HBP1: variants seen among roughly 807,000 people sequenced by gnomAD.
The protein encoded by HBP1 is HMG box-containing protein 1.
In HBP1, 20 loss-of-function variants were observed where a neutral mutation model predicts 62.6. That is an observed-to-expected ratio of 0.32 (90% CI 0.22 to 0.46). HBP1 has a LOEUF of 0.46. Among genes scored for constraint, HBP1 ranks in the 20% least tolerant of loss-of-function variants. HBP1 has a pLI of 1.00. For missense variants in HBP1, 480 were observed against 611.8 expected (o/e 0.78, Z 2.27); for synonymous variants, 232 against 206.2 (o/e 1.12, Z -1.07).
At chr7:107,186,919 G>A (rs374808715) in intron 6 of HBP1, among the ~76,000 whole-genome samples, 7 of 152,052 alleles carry the variant, frequency 4.6e-5, no homozygotes, top group African/African-American at 1.4e-4. Flanking sequence ...GTGCTTCTTC[G>A]TGTTTTATAC....
At position 107,195,944 on chromosome 7, in the gene HBP1, G is replaced by A; in HGVS notation, c.1178G>A (p.Arg393Lys). ...CGGPGGQDFARSGFSKNCGSP... is the reference protein window; with the variant it reads ...CGGPGGQDFAKSGFSKNCGSP... The stretch of plus-strand genomic sequence containing the variant: ...GGACCTGGTGGTCAAGACTTTGCAA[G>A]ATCTGGATTCAGTAAAAACTGTGGC... The change falls in exon 9 of 11, where the codon AGA (arginine) becomes AAA (lysine). Residue 393 changes from arginine to lysine, a missense_variant. Arg to Lys is a conservative substitution (Grantham distance 26). Coordinates refer to ENST00000222574, the MANE Select transcript of HBP1 (RefSeq NM_012257.4). The A allele has an allele frequency of 1.2e-6, 2 of 1,614,042 alleles. No individual in the cohort carries two copies. The highest frequency in any genetic ancestry group is 1.6e-4 in the Middle Eastern group (1 of 6,062).
intron 1 of HBP1, among the ~76,000 whole-genome samples, chr7:107,173,298 G>C (rs1033848773): frequency 2.0e-5 from 3 of 152,176 alleles, no homozygotes; most frequent in African/African-American, 7.2e-5. Context: ...AGTCTGGACT[G>C]GTTATGGAAA....
At chr7:107,179,758 T>C in intron 1 of HBP1, 121 bp from the exon 2 acceptor site, 1 of 567,958 alleles carries the variant, frequency 1.8e-6, no homozygotes, top group Non-Finnish European at 3.1e-6. Flanking sequence ...GGTGACAGAG[T>C]GTGACTATGT....
At chr7:107,186,800 G>T (rs910872149) in intron 6 of HBP1, 119 bp downstream of exon 6, 5 of 652,368 alleles carry the variant, frequency 7.7e-6, no homozygotes, top group Middle Eastern at 3.4e-4. Flanking sequence ...GTACATTTTA[G>T]GTAGAGCATT....
At position 107,182,455 on chromosome 7, in the gene HBP1, A is replaced by G. The variant is rs368326211; in HGVS notation, c.252A>G (p.Gln84=). 1.7e-5 allele frequency: 28 copies of G among 1,613,280 alleles called. No homozygotes were observed. The African/African-American group carries it at 2.1e-4, about 12-fold the overall frequency. Residue 84 remains glutamine, a synonymous_variant, in exon 3 of 11, where the codon CAA becomes CAG. Coordinates refer to ENST00000222574, the MANE Select transcript of HBP1 (RefSeq NM_012257.4). The stretch of plus-strand genomic sequence containing the variant: ...AGCTGAGTTCAGATGTTTCACATCA[A>G]GAATACCCAAGATCATCTTGGAACC... ...MYQLSSDVSH[Q]EYPRSSWNQN...
intron 3 of HBP1, among the ~76,000 whole-genome samples, chr7:107,183,618 T>TA (rs957676451): frequency 2.4e-4 from 36 of 151,500 alleles, no homozygotes; most frequent in Middle Eastern, 3.4e-3. Flanking sequence ...TATTTATTTT[T>TA]AAAAAAAAAC....
chr7:107,180,137 C>A, intron 2 of HBP1, 75 bp downstream of exon 2: 4 of 824,784 alleles, frequency 4.8e-6, no homozygotes, highest in Non-Finnish European at 7.8e-6. Flanking sequence ...CGCTTCTCCA[C>A]CAACCTTGAC....
chr7:107,186,253 C>T, intron 4 of HBP1, 108 bp from the exon 5 acceptor site: 1 of 567,280 alleles, frequency 1.8e-6, no homozygotes, highest in Non-Finnish European at 3.0e-6. Flanking sequence ...GTTAGAATTA[C>T]TAAGTTATCC....
At position 107,201,895 on chromosome 7, in the gene HBP1, A is replaced by G. The variant is rs544557530; in HGVS notation, c.*464A>G. ...GCTGGGAGTCGGCCTTTCCTCTAGT[A>G]ACCACCACATGGCTCAGCATCTGTG... On this transcript the variant is annotated 3_prime_UTR_variant, in exon 11 of 11. Transcript: ENST00000222574. 5.2e-5 allele frequency: 8 copies of G among 153,398 alleles called. No individual in the cohort carries two copies. The highest frequency in any genetic ancestry group is 1.7e-4 in the African/African-American group (7 of 41,578). 9.5% of individuals were successfully genotyped at this position (153,398 alleles called of 1,614,324 possible).
chr7:107,185,673 T>C (rs1797317339), intron 3 of HBP1, 128 bp from the exon 4 acceptor site: 1 of 619,330 alleles, frequency 1.6e-6, no homozygotes. Context: ...TTGCTGTCTT[T>C]ACTAGTGTTT....
intron 1 of HBP1, among the ~76,000 whole-genome samples, chr7:107,175,074 T>TA (rs545375508): frequency 2.4e-4 from 35 of 146,670 alleles, no homozygotes; most frequent in East Asian, 5.9e-4. Flanking sequence ...GTGCTCTCTT[T>TA]AAAAAAAAAA....
At chr7:107,190,026 A>G (rs1797574174) in intron 7 of HBP1, 147 bp from the exon 8 acceptor site, 2 of 587,392 alleles carry the variant, frequency 3.4e-6, no homozygotes, top group Non-Finnish European at 5.9e-6. Context: ...CTAGTACTTT[A>G]TTGTAAAGAT....
intron 6 of HBP1, among the ~76,000 whole-genome samples, chr7:107,187,035 G>C (rs573899318): frequency 6.6e-6 from 1 of 152,076 alleles, no homozygotes; most frequent in Non-Finnish European, 1.5e-5. Flanking sequence ...GGTGGATCAC[G>C]AGGTCAGGAG....
intron 1 of HBP1, among the ~76,000 whole-genome samples, chr7:107,176,056 C>T (rs1484350052): frequency 4.8e-5 from 7 of 146,076 alleles, no homozygotes; most frequent in African/African-American, 7.6e-5. Flanking sequence ...AATGGAGTCT[C>T]GCTCTGTTGC....
intron 1 of HBP1, among the ~76,000 whole-genome samples, chr7:107,177,250 G>A (rs1796895193): frequency 6.6e-6 from 1 of 152,142 alleles, no homozygotes; most frequent in South Asian, 2.1e-4. Flanking sequence ...CAGTCACTTA[G>A]GTCATATATT....
At chr7:107,178,571 A>G (rs1303316018) in intron 1 of HBP1, among the ~76,000 whole-genome samples, 4 of 152,196 alleles carry the variant, frequency 2.6e-5, no homozygotes, top group African/African-American at 7.2e-5. Flanking sequence ...TAAATTTCCC[A>G]TGATGATTAT....
chr7:107,194,642 T>G (rs1029954484), intron 8 of HBP1, among the ~76,000 whole-genome samples: 26 of 152,238 alleles, frequency 1.7e-4, no homozygotes, highest in African/African-American at 6.3e-4. Context: ...AATTTTGTAA[T>G]CTCATGTTTT....
At chr7:107,171,047 AT>A in intron 1 of HBP1, among the ~76,000 whole-genome samples, 1 of 20,772 alleles carries the variant, frequency 4.8e-5, no homozygotes, top group South Asian at 8.7e-4. Flanking sequence ...ACATGTATAA[AT>A]ATATATATAT....
At chr7:107,174,330 A>G (rs1796736909) in intron 1 of HBP1, 2 of 346,978 alleles carry the variant, frequency 5.8e-6, no homozygotes, top group Non-Finnish European at 8.1e-6. Context: ...GCCTTGAGCA[A>G]TGAGAGGTGT....
Sources: allele counts gnomAD v4.1 joint callset (sites outside exome capture counted in the v4.1 genomes callset), GRCh38; gene constraint gnomAD v4.1.1; transcripts MANE v1.5; gene names NCBI Gene and HGNC (gene_info 2026-07-23, HGNC 2026-07-21).